The following SULT6B1 variants were observed in gnomAD, a reference collection of about 807,000 sequenced individuals.
SULT6B1 encodes sulfotransferase family 6B member 1, also known as sulfotransferase 6B1.
SULT6B1 carries 44 observed loss-of-function variants against 37.2 expected under a neutral mutation model. The ratio of observed to expected loss-of-function variants is 1.18; its 90% CI spans 0.93 to 1.52. SULT6B1 has a LOEUF of 1.52. SULT6B1 is among the 40% of genes most tolerant of loss of function. The pLI is 0.00. For missense variants in SULT6B1, 450 were observed against 361.0 expected (o/e 1.25, Z -2.00); for synonymous variants, 140 against 126.0 (o/e 1.11, Z -0.74).
intron 3 of SULT6B1, among the ~76,000 whole-genome samples, chr2:37,181,540 C>T (rs772765656): frequency 2.0e-5 from 3 of 152,020 alleles, no homozygotes; most frequent in African/African-American, 2.4e-5. Context: ...CCACCATGCC[C>T]GGCTAATTTT....
chr2:37,179,358 C>A, intron 4 of SULT6B1, 100 bp downstream of exon 4: 1 of 1,477,160 alleles, frequency 6.8e-7, no homozygotes, highest in South Asian at 1.2e-5. Flanking sequence ...GTTCCCAGAT[C>A]TACCTAAATC....
upstream of SULT6B1, among the ~76,000 whole-genome samples, chr2:37,192,565 C>T (rs1459987306): frequency 6.6e-6 from 1 of 152,126 alleles, no homozygotes; most frequent in East Asian, 1.9e-4. Context: ...GCTGTAGTTG[C>T]AAAGGTGTAT....
In SULT6B1 at chr2:37,188,500, C is replaced by A. The variant is rs778510865; in HGVS notation, c.141G>T (p.Ala47=). 13 of 1,614,148 alleles carry A rather than the reference C, an allele frequency of 8.1e-6. No individual in the cohort carries two copies. The highest frequency in any genetic ancestry group is 3.3e-5 in the South Asian group (3 of 91,076). Residue 47 remains alanine, a synonymous_variant, in exon 1 of 7, where the codon GCG becomes GCT. Transcript: ENST00000535679. Reference sequence around the variant, plus strand: ...CATGTCTGGCTTCGAAGGTGTCCAGCGCTTGGAAAGTTTCTGAGGTGCACA... The same window carrying A: ...CATGTCTGGCTTCGAAGGTGTCCAGAGCTTGGAAAGTTTCTGAGGTGCACA... ...ITMCTSETFQ[A]LDTFEARHDD...
intron 5 of SULT6B1, among the ~76,000 whole-genome samples, chr2:37,173,095 C>T (rs1676341821): frequency 6.6e-6 from 1 of 151,898 alleles, no homozygotes; most frequent in South Asian, 2.1e-4. Context: ...TCAGGTGATC[C>T]ACCTGCCTCG....
chr2:37,179,378 T>C, intron 4 of SULT6B1, 80 bp downstream of exon 4: 6 of 1,567,724 alleles, frequency 3.8e-6, no homozygotes, highest in Non-Finnish European at 5.2e-6. Context: ...CTTCTTCCTT[T>C]ACCCTAAAAC....
intron 4 of SULT6B1, among the ~76,000 whole-genome samples, chr2:37,178,245 T>G (rs1316522326): frequency 1.3e-5 from 2 of 152,090 alleles, no homozygotes; most frequent in Non-Finnish European, 2.9e-5. Context: ...TTTTATTTTA[T>G]TTTATTTTTT....
intron 6 of SULT6B1, among the ~76,000 whole-genome samples, chr2:37,170,458 C>G (rs1279546426): frequency 1.3e-5 from 2 of 149,960 alleles, no homozygotes; most frequent in Non-Finnish European, 3.0e-5. Context: ...CAGAGCAAGA[C>G]TCTGTCTCAA....
chr2:37,187,670 A>C (rs1449535401), intron 1 of SULT6B1, among the ~76,000 whole-genome samples: 1 of 152,246 alleles, frequency 6.6e-6, no homozygotes, highest in Non-Finnish European at 1.5e-5. Flanking sequence ...TTAGTATAAA[A>C]TTCAACTGAG....
At chr2:37,175,326 A>AG in intron 4 of SULT6B1, 100 bp from the exon 5 acceptor site, 1 of 496,350 alleles carries the variant, frequency 2.0e-6, no homozygotes, top group Non-Finnish European at 3.4e-6. Context: ...ATATGTGTAT[A>AG]TGCTCGAGAT....
At chr2:37,195,595 A>G (rs940117407) in intron 1 of SULT6B1, among the ~76,000 whole-genome samples, 3 of 152,156 alleles carry the variant, frequency 2.0e-5, no homozygotes, top group Admixed American at 2.0e-4. Context: ...TGTACTTTCC[A>G]TCAGTTATTT....
chr2:37,176,409 A>G (rs1676429780), intron 4 of SULT6B1, among the ~76,000 whole-genome samples: 1 of 151,754 alleles, frequency 6.6e-6, no homozygotes, highest in Non-Finnish European at 1.5e-5. Context: ...ACAGGCACAC[A>G]CCACCATGCC....
At chr2:37,194,577 T>C in intron 1 of SULT6B1, 1 of 372,662 alleles carries the variant, frequency 2.7e-6, no homozygotes, top group Non-Finnish European at 5.2e-6. Flanking sequence ...CCCATCTCCT[T>C]CATTGCAAAA....
chr2:37,190,331 C>A (rs1373470208), upstream of SULT6B1, among the ~76,000 whole-genome samples: 3 of 152,128 alleles, frequency 2.0e-5, no homozygotes, highest in Non-Finnish European at 4.4e-5. Context: ...ACTGTATTTA[C>A]CTTTCTCTTA....
At chr2:37,185,923 C>G (rs142910954) in intron 2 of SULT6B1, among the ~76,000 whole-genome samples, 3,532 of 152,170 alleles carry the variant, frequency 0.023, 65 homozygotes, top group Middle Eastern at 0.054. Flanking sequence ...GTTCCTGGGC[C>G]TGTCTCAGCT....
At position 37,171,460 on chromosome 2, in the gene SULT6B1, G is replaced by A. The variant is rs1469431646; in HGVS notation, c.755C>T (p.Ala252Val). 1.9e-6 allele frequency: 3 copies of A among 1,613,822 alleles called. No individual in the cohort carries two copies. Among genetic ancestry groups the A allele is most frequent in the African/African-American group, 2.7e-5 (2 of 74,922 alleles). The change falls in exon 6 of 7, where the codon GCT (alanine) becomes GTT (valine). Residue 252 changes from alanine to valine, a missense_variant. Coordinates refer to ENST00000535679, the MANE Select transcript of SULT6B1 (RefSeq NM_001367551.1). The part of the protein sequence containing the change: ...MRAKSQDTHG[A>V]VGPFLFRKGE... ...TTTGCGGAAAAGGAATGGGCCGACA[G>A]CACCGTGTGTGTCCTGAGACTTCGC...
intron 5 of SULT6B1, among the ~76,000 whole-genome samples, chr2:37,174,363 T>C (rs1328966233): frequency 6.6e-6 from 1 of 150,532 alleles, no homozygotes; most frequent in Non-Finnish European, 1.5e-5. Flanking sequence ...GCTTCCTGAG[T>C]AGCTGGTACT....
In SULT6B1 at chr2:37,168,003, A is replaced by C. The variant is rs777300567; in HGVS notation, c.844T>G (p.Phe282Val). The change falls in exon 7 of 7, where the codon TTC (phenylalanine) becomes GTC (valine). Residue 282 changes from phenylalanine to valine, a missense_variant. Phe to Val is a conservative substitution (Grantham distance 50). Transcript: ENST00000535679. The stretch of plus-strand genomic sequence containing the variant: ...GAGGTGCCTGCTAAGCACTCTTTGA[A>C]TTTTTCATCCATTTCCTGGTTCTGA... ...EIQNQEMDEK[F>V]KECLAGTSLG... 96 of 1,602,456 alleles carry C rather than the reference A, an allele frequency of 6.0e-5. No homozygotes were observed. The highest frequency in any genetic ancestry group is 8.1e-5 in the Non-Finnish European group (95 of 1,177,502).
intron 4 of SULT6B1, 66 bp downstream of exon 4, chr2:37,179,392 T>G: frequency 6.3e-7 from 1 of 1,586,912 alleles, no homozygotes; most frequent in Non-Finnish European, 8.6e-7. Flanking sequence ...CTAAAACACA[T>G]TTGGGTTTTC....
intron 3 of SULT6B1, among the ~76,000 whole-genome samples, chr2:37,181,597 T>G (rs1572461803): frequency 6.7e-6 from 1 of 148,232 alleles, no homozygotes; most frequent in Admixed American, 6.9e-5. Context: ...CCAAGGCTGG[T>G]CTTGAACTCC....
Sources: allele counts gnomAD v4.1 joint callset (sites outside exome capture counted in the v4.1 genomes callset), GRCh38; gene constraint gnomAD v4.1.1; transcripts MANE v1.5; gene names NCBI Gene and HGNC (gene_info 2026-07-23, HGNC 2026-07-21).